Variants in PCSK1N observed in about 807,000 individuals in gnomAD.
PCSK1N encodes proprotein convertase subtilisin/kexin type 1 inhibitor.
PCSK1N carries 8 observed loss-of-function variants against 10.6 expected under a neutral mutation model. The observed-to-expected ratio is 0.76, with a 90% confidence interval of 0.44 to 1.37. The LOEUF (loss-of-function observed/expected upper bound fraction) is 1.37, where lower values mean the gene tolerates loss of function less well. Ranked by LOEUF, PCSK1N falls within the 40% of genes most tolerant of loss-of-function variation. PCSK1N has a pLI of 0.00. For missense variants in PCSK1N, 301 were observed against 268.5 expected (o/e 1.12, Z -0.84); for synonymous variants, 143 against 137.1 (o/e 1.04, Z -0.30).
chrX:48,834,237 AT>A (rs1168717126), intron 1 of PCSK1N, among the ~76,000 whole-genome samples: 2 of 111,701 alleles, frequency 1.8e-5, no homozygotes, highest in Non-Finnish European at 3.8e-5. Flanking sequence ...CGAGAGAGTT[AT>A]TTTGTCATCA....
chrX:48,831,485 G>C (rs1037597459), intron 2 of PCSK1N, 30 bp from the exon 3 acceptor site: 1 of 999,671 alleles, frequency 1.0e-6, no homozygotes, highest in Non-Finnish European at 1.3e-6. Context: ...GCAGTGAGGC[G>C]GTGTCCGCGG....
chrX:48,835,382 C>A, intron 1 of PCSK1N, 37 bp downstream of exon 1: 1 of 617,346 alleles, frequency 1.6e-6, no homozygotes. Context: ...GTGGCATCCT[C>A]CCCCAACCCC....
intron 1 of PCSK1N, chrX:48,834,603 A>C: frequency 1.5e-6 from 1 of 652,601 alleles, no homozygotes; most frequent in Non-Finnish European, 1.8e-6. Context: ...TAAAGACACA[A>C]TGCAGCAGAG....
chrX:48,832,004 G>A lies in PCSK1N; in HGVS notation c.452C>T (p.Ala151Val). 3 of 1,090,359 alleles carry A rather than the reference G, an allele frequency of 2.8e-6. No individual in the cohort carries two copies. The highest frequency in any genetic ancestry group is 2.2e-5 in the South Asian group (1 of 44,907). 89.9% of individuals were successfully genotyped at this position (1,090,359 alleles called of 1,213,427 possible). The change falls in exon 2 of 3, where the codon GCA (alanine) becomes GTA (valine). Residue 151 changes from alanine (A) to valine (V), a missense_variant. Physicochemically the swap from Ala to Val is moderately conservative, Grantham distance 64. Transcript: ENST00000218230. ...GACGGGCGCGGGGACAAGCTGGGCT[G>A]CTAGGGCGGCAGGGTCAAGGCGGGC... ...LRARLDPAAL[A>V]AQLVPAPVPA...
rs922794082 is a variant in PCSK1N, at chrX:48,832,069, G to A, written c.387C>T (p.Pro129=). The A allele has an allele frequency of 2.7e-6, 3 of 1,118,229 alleles. No individual in the cohort carries two copies. Among genetic ancestry groups the A allele is most frequent in the African/African-American group, 1.9e-5 (1 of 52,612 alleles). The allele number at this position is 1,118,229 out of a possible 1,213,427, so 92.2% of individuals were successfully genotyped here. The change falls in exon 2 of 3, where the codon CCC becomes CCT. Residue 129 remains proline (P), a synonymous_variant. Transcript: ENST00000218230. ...GAGCGAGCTGCGCTGCAGGCGCGTCGGGGTCGTCGTCCAGGCCCAGAGCCG... is the reference window on the plus strand; with the variant it reads ...GAGCGAGCTGCGCTGCAGGCGCGTCAGGGTCGTCGTCCAGGCCCAGAGCCG... ...SDPALGLDDD[P]DAPAAQLARA...
intron 1 of PCSK1N, among the ~76,000 whole-genome samples, chrX:48,834,318 C>T (rs1233302293): frequency 9.1e-6 from 1 of 110,475 alleles, no homozygotes; most frequent in African/African-American, 3.3e-5. Flanking sequence ...TTTTTAATTC[C>T]CATCTTTGAT....
chrX:48,833,103 TGTAGTG>T (rs782297445), intron 1 of PCSK1N, among the ~76,000 whole-genome samples: 1 of 112,264 alleles, frequency 8.9e-6, no homozygotes, highest in Non-Finnish European at 1.9e-5. Context: ...TTGGGCCACG[TGTAGTG>T]GTTCATGCCT....
At position 48,831,480 on chromosome X, in the gene PCSK1N, G is replaced by C. The variant is rs782697678; in HGVS notation, c.588-25C>G. ...CCTGCAGGGCCGAGCGCAAAGCAGTGAGGCGGTGTCCGCGGTGGGGCGTTC... is the reference window on the plus strand; with the variant it reads ...CCTGCAGGGCCGAGCGCAAAGCAGTCAGGCGGTGTCCGCGGTGGGGCGTTC... On this transcript the variant is annotated intron_variant, in intron 2 of 2. Transcript: ENST00000218230. 4 of 1,030,485 alleles carry C rather than the reference G, an allele frequency of 3.9e-6. No individual in the cohort carries two copies. The East Asian group carries it at 1.6e-4, about 40-fold the overall frequency. 84.9% of individuals were successfully genotyped at this position (1,030,485 alleles called of 1,213,427 possible).
chrX:48,831,732 G>A, intron 2 of PCSK1N, 137 bp downstream of exon 2: 1 of 492,636 alleles, frequency 2.0e-6, no homozygotes, highest in Non-Finnish European at 3.0e-6. Flanking sequence ...TGGACTCCCT[G>A]GATCCAGGAC....
chrX:48,831,406 C>T lies in PCSK1N; in HGVS notation c.637G>A (p.Ala213Thr). ...LAGSADSEGVAAPRRLRRAAD... is the reference protein window; with the variant it reads ...LAGSADSEGVTAPRRLRRAAD... Reference sequence around the variant, plus strand: ...GCACGGCGGAGGCGGCGCGGGGCTGCCACCCCCTCGGAGTCCGCGCTTCCC... The same window carrying T: ...GCACGGCGGAGGCGGCGCGGGGCTGTCACCCCCTCGGAGTCCGCGCTTCCC... The change falls in exon 3 of 3, where the codon GCA becomes ACA. Residue 213 changes from alanine (A) to threonine (T), a missense_variant. By Grantham distance (58) the Ala-to-Thr change is moderately conservative. Transcript: ENST00000218230. 2.7e-6 allele frequency: 3 copies of T among 1,094,963 alleles called. No individual in the cohort carries two copies. The allele number at this position is 1,094,963 out of a possible 1,213,427, so 90.2% of individuals were successfully genotyped here. A position where few individuals can be genotyped will look rare whatever the true frequency, so the allele number is the denominator to read the frequency against.
chrX:48,832,400 C>A, intron 1 of PCSK1N, 59 bp from the exon 2 acceptor site: 2 of 963,656 alleles, frequency 2.1e-6, no homozygotes, highest in South Asian at 2.5e-5. Context: ...ACAGGGACCC[C>A]CAGCCCGGGA....
At chrX:48,835,336 G>T in intron 1 of PCSK1N, 83 bp downstream of exon 1, 2 of 422,764 alleles carry the variant, frequency 4.7e-6, no homozygotes, top group Non-Finnish European at 6.9e-6. Flanking sequence ...CTCGGGCGGG[G>T]GTGAGGCGGC....
Position 48,831,206 on chromosome X carries a change from G to A in PCSK1N, c.*54C>T. On this transcript the variant is annotated 3_prime_UTR_variant, in exon 3 of 3. Coordinates refer to ENST00000218230, the MANE Select transcript of PCSK1N (RefSeq NM_013271.5). ...GTGCTGGCGGGGAGCAGTCCTGGTG[G>A]CGGGATGGCGGGGGCACTTCTGGGT... 9.9e-7 allele frequency: 1 copy of A among 1,006,872 alleles called. No homozygotes were observed. Among genetic ancestry groups the A allele is most frequent in the Non-Finnish European group, 1.3e-6 (1 of 753,814 alleles). The allele number at this position is 1,006,872 out of a possible 1,213,427, so 83.0% of individuals were successfully genotyped here. A position where few individuals can be genotyped will look rare whatever the true frequency, so the allele number is the denominator to read the frequency against.
chrX:48,835,088 GCACA>G (rs1420063906), intron 1 of PCSK1N, among the ~76,000 whole-genome samples: 1 of 112,274 alleles, frequency 8.9e-6, no homozygotes, highest in African/African-American at 3.2e-5. Flanking sequence ...CACATCACAC[GCACA>G]CACACTGATG....
rs782290409 is a variant in PCSK1N at position 48,832,171 on chromosome X, C to G, written c.285G>C (p.Ala95=). ...AERQERARAE[A]QEAEDQQARV... ...GCGCCTGCTGATCCTCAGCCTCCTGCGCCTCGGCCCGCGCCCGCTCCTGAC... is the reference window on the plus strand; with the variant it reads ...GCGCCTGCTGATCCTCAGCCTCCTGGGCCTCGGCCCGCGCCCGCTCCTGAC... Residue 95 remains alanine, a synonymous_variant, in exon 2 of 3, where the codon GCG becomes GCC. Transcript: ENST00000218230. The G allele has an allele frequency of 7.0e-6, 8 of 1,149,184 alleles. No homozygotes were observed. The highest frequency in any genetic ancestry group is 3.4e-5 in the East Asian group (1 of 29,362). The allele number at this position is 1,149,184 out of a possible 1,213,427, so 94.7% of individuals were successfully genotyped here.
rs782748099 is a variant in PCSK1N, at chrX:48,831,412, C to A, written c.631G>T (p.Gly211Trp). 10 of 1,086,408 alleles carry A rather than the reference C, an allele frequency of 9.2e-6. No homozygotes were observed. The South Asian group carries it at 9.3e-5, about 10-fold the overall frequency. The allele number at this position is 1,086,408 out of a possible 1,213,427, so 89.5% of individuals were successfully genotyped here. ...CGGAGGCGGCGCGGGGCTGCCACCC[C>A]CTCGGAGTCCGCGCTTCCCGCAAGA... ...RILAGSADSE[G>W]VAAPRRLRRA... The change falls in exon 3 of 3, where the codon GGG (glycine) becomes TGG (tryptophan). Residue 211 changes from glycine (G) to tryptophan (W), a missense_variant. Coordinates refer to ENST00000218230, the MANE Select transcript of PCSK1N (RefSeq NM_013271.5).
chrX:48,833,332 G>A (rs1284181256), intron 1 of PCSK1N, among the ~76,000 whole-genome samples: 1 of 112,299 alleles, frequency 8.9e-6, no homozygotes, highest in African/African-American at 3.2e-5. Context: ...AGCCCAGATC[G>A]CACCACTGCA....
chrX:48,831,221 C>T lies in PCSK1N; in HGVS notation c.*39G>A. The T allele has an allele frequency of 9.3e-7, 1 of 1,081,018 alleles. No homozygotes were observed. The highest frequency in any genetic ancestry group is 1.2e-6 in the Non-Finnish European group (1 of 814,613). 89.1% of individuals were successfully genotyped at this position (1,081,018 alleles called of 1,213,427 possible). A position where few individuals can be genotyped will look rare whatever the true frequency, so the allele number is the denominator to read the frequency against. Reference sequence around the variant, plus strand: ...AGTCCTGGTGGCGGGATGGCGGGGGCACTTCTGGGTCCCAGGGTGCACGGG... The same window carrying T: ...AGTCCTGGTGGCGGGATGGCGGGGGTACTTCTGGGTCCCAGGGTGCACGGG... On this transcript the variant is annotated 3_prime_UTR_variant, in exon 3 of 3. Transcript: ENST00000218230.
intron 1 of PCSK1N, among the ~76,000 whole-genome samples, chrX:48,833,652 G>C (rs994317803): frequency 5.4e-5 from 6 of 111,583 alleles, no homozygotes; most frequent in African/African-American, 2.0e-4. Context: ...CCCCAGAGCA[G>C]CTTTGGCACA....
Sources: gnomAD v4.1 joint callset for allele counts (sites outside exome capture counted in the v4.1 genomes callset) on GRCh38, gnomAD v4.1.1 for gene constraint, MANE v1.5 for transcripts, NCBI Gene and HGNC (gene_info 2026-07-23, HGNC 2026-07-21) for gene names.